Variants in CLN3 observed in about 807,000 individuals in gnomAD.
The protein encoded by CLN3 is CLN3 lysosomal/endosomal transmembrane protein, battenin.
A neutral mutation model predicts 60.7 loss-of-function variants in CLN3; 49 were observed. That is an observed-to-expected ratio of 0.81 (90% CI 0.64 to 1.02). CLN3 has a LOEUF of 1.02. Among genes scored for constraint, CLN3 ranks in the 50% least tolerant of loss-of-function variants. The pLI is 0.00. For synonymous variants in CLN3, 256 were observed against 245.8 expected, an observed-to-expected ratio of 1.04 and a Z score of -0.39; for missense variants, 516 against 557.4, an observed-to-expected ratio of 0.93 and a Z score of 0.75.
intron 2 of CLN3, 55 bp downstream of exon 2, chr16:28,491,659 A>G (rs2046317664): frequency 6.2e-7 from 1 of 1,613,856 alleles, no homozygotes. Flanking sequence ...CATTCCCCTC[A>G]GGTGGGCTGC....
At chr16:28,478,332 T>TAA (rs2046030920) in intron 14 of CLN3, among the ~76,000 whole-genome samples, 1 of 139,868 alleles carries the variant, frequency 7.1e-6, no homozygotes, top group Admixed American at 7.2e-5. Context: ...ATTCTCAACC[T>TAA]CAGCCTGGTG....
chr16:28,480,097 A>G (rs2046061096), intron 14 of CLN3, among the ~76,000 whole-genome samples: 1 of 151,890 alleles, frequency 6.6e-6, no homozygotes, highest in African/African-American at 2.4e-5. Context: ...AGTAGCTGGG[A>G]TTACAGGTGA....
chr16:28,488,929 TCTCA>T (rs991535605), intron 4 of CLN3, among the ~76,000 whole-genome samples: 3 of 152,322 alleles, frequency 2.0e-5, no homozygotes, highest in Non-Finnish European at 4.4e-5. Context: ...TGAGATGGTG[TCTCA>T]CTCTGTTGCC....
intron 14 of CLN3, among the ~76,000 whole-genome samples, chr16:28,481,193 CT>C (rs960215403): frequency 1.3e-5 from 2 of 152,044 alleles, no homozygotes; most frequent in African/African-American, 4.8e-5. Flanking sequence ...TTACTGCAGC[CT>C]TGACCTCATG....
chr16:28,489,381 A>C lies in CLN3; in HGVS notation c.131T>G (p.Leu44Arg). Residue 44 changes from leucine (L) to arginine (R), a missense_variant, in exon 4 of 16, where the codon CTG becomes CGG. Coordinates refer to ENST00000636147, the MANE Select transcript of CLN3 (RefSeq NM_001042432.2). ...ATAAGAGAAGTTGTTGCAAAGGCCC[A>C]GCAGCCTGGAAGGAGCAGGACAGGT... Reference protein sequence around the residue: ...HWKNAVGFWLLGLCNNFSYVV... With the variant: ...HWKNAVGFWLRGLCNNFSYVV... 6.2e-7 allele frequency: 1 copy of C among 1,610,220 alleles called. No individual in the cohort carries two copies. The highest frequency in any genetic ancestry group is 8.5e-7 in the Non-Finnish European group (1 of 1,178,002).
intron 5 of CLN3, 170 bp downstream of exon 5, chr16:28,488,421 C>T: frequency 1.7e-6 from 1 of 588,718 alleles, no homozygotes. Context: ...GTGATCCTCC[C>T]ACCTTGGTCT....
chr16:28,487,601 C>A (rs2046242465), intron 6 of CLN3, 60 bp from the exon 7 acceptor site: 1 of 1,596,084 alleles, frequency 6.3e-7, no homozygotes, highest in Admixed American at 1.7e-5. Flanking sequence ...GCATCTCAGC[C>A]ATCCCAGCCT....
chr16:28,489,198 A>G (rs1567262803), intron 4 of CLN3, 92 bp downstream of exon 4: 1 of 987,654 alleles, frequency 1.0e-6, no homozygotes, highest in Non-Finnish European at 1.6e-6. Context: ...CACTGTGCCC[A>G]GCCAGAGACT....
chr16:28,491,023 T>C (rs1450446420), intron 3 of CLN3: 1 of 155,630 alleles, frequency 6.4e-6, no homozygotes, highest in Non-Finnish European at 1.4e-5. Context: ...GGAGCTGTGA[T>C]TGCACTACTG....
At chr16:28,485,172 T>C (rs1040101081) in intron 9 of CLN3, among the ~76,000 whole-genome samples, 2 of 148,840 alleles carry the variant, frequency 1.3e-5, no homozygotes, top group African/African-American at 4.9e-5. Context: ...CTCAAACTCC[T>C]GACCTCGTGG....
downstream of CLN3, among the ~76,000 whole-genome samples, chr16:28,471,585 A>G (rs2045950596): frequency 9.5e-6 from 1 of 105,272 alleles, no homozygotes; most frequent in South Asian, 3.4e-4. Flanking sequence ...CTTATAAGAC[A>G]TAAACATAAG....
At chr16:28,470,723 A>G (rs1404756925), downstream of CLN3, among the ~76,000 whole-genome samples, 4 of 149,996 alleles carry the variant, frequency 2.7e-5, no homozygotes, top group African/African-American at 7.2e-5. Context: ...GGAGGAGGAG[A>G]AGAAGAAAGG....
chr16:28,478,266 C>T (rs2046029399), intron 14 of CLN3, among the ~76,000 whole-genome samples: 1 of 149,332 alleles, frequency 6.7e-6, no homozygotes, highest in African/African-American at 2.5e-5. Flanking sequence ...GATCGCAGCA[C>T]TGCACTCCAG....
At chr16:28,483,708 C>CTT (rs1416352356) in intron 10 of CLN3, among the ~76,000 whole-genome samples, 1 of 116,224 alleles carries the variant, frequency 8.6e-6, no homozygotes, top group Non-Finnish European at 1.8e-5. Flanking sequence ...TCCTTCCTTT[C>CTT]TTTTCTTTTT....
At position 28,482,128 on chromosome 16, in the gene CLN3, T is replaced by G. The variant is rs150986176; in HGVS notation, c.1033A>C (p.Thr345Pro). 4.3e-6 allele frequency: 7 copies of G among 1,612,964 alleles called. No individual in the cohort carries two copies. The highest frequency in any genetic ancestry group is 5.9e-6 in the Non-Finnish European group (7 of 1,179,818). ...ACCTGCAGCAGGGCCAGGGCCCAGG[T>G]GAAACGGATGCGACAGCAGCGGAGA... Reference protein sequence around the residue: ...SSLRCCRIRFTWALALLQCLN... With the variant: ...SSLRCCRIRFPWALALLQCLN... The change falls in exon 14 of 16, where the codon ACC (threonine) becomes CCC (proline). Residue 345 changes from threonine to proline, a missense_variant. Thr to Pro is a conservative substitution (Grantham distance 38). Coordinates refer to ENST00000636147, the MANE Select transcript of CLN3 (RefSeq NM_001042432.2).
downstream of CLN3, chr16:28,470,644 G>A (rs1254308116): frequency 4.9e-6 from 1 of 204,342 alleles, no homozygotes; most frequent in African/African-American, 2.9e-5. Flanking sequence ...GGAGGGGAAG[G>A]GGAGGGGAAG....
At chr16:28,472,473 C>G (rs1298119027), downstream of CLN3, among the ~76,000 whole-genome samples, 1 of 152,088 alleles carries the variant, frequency 6.6e-6, no homozygotes, top group Non-Finnish European at 1.5e-5. Flanking sequence ...CTGTATCACA[C>G]CACCTGCAAA....
At chr16:28,472,388 AC>A (rs757492932), downstream of CLN3, among the ~76,000 whole-genome samples, 4 of 152,172 alleles carry the variant, frequency 2.6e-5, no homozygotes, top group Non-Finnish European at 5.9e-5. Context: ...CTGTCTCTAA[AC>A]AAAATAAAAA....
chr16:28,473,045 C>T (rs991341321), downstream of CLN3, among the ~76,000 whole-genome samples: 1 of 152,056 alleles, frequency 6.6e-6, no homozygotes. Context: ...TCAAGTGATC[C>T]TCCCACTTCA....
Sources: allele counts gnomAD v4.1 joint callset (sites outside exome capture counted in the v4.1 genomes callset), GRCh38; gene constraint gnomAD v4.1.1; transcripts MANE v1.5; gene names NCBI Gene and HGNC (gene_info 2026-07-23, HGNC 2026-07-21).